The following ARHGAP8 variants were observed in gnomAD, a reference collection of about 807,000 sequenced individuals.
ARHGAP8 encodes Rho GTPase activating protein 8, also known as rho GTPase-activating protein 8.
A neutral mutation model predicts 46.1 loss-of-function variants in ARHGAP8; 62 were observed. The ratio of observed to expected loss-of-function variants is 1.34; its 90% CI spans 1.10 to 1.66. The LOEUF is 1.66. Ranked by LOEUF, ARHGAP8 falls within the 40% of genes most tolerant of loss-of-function variation. The pLI, the probability that ARHGAP8 is intolerant of heterozygous loss-of-function variation, is 0.00. For missense variants in ARHGAP8, 923 were observed against 568.4 expected, an observed-to-expected ratio of 1.62 and a Z score of -6.34; for synonymous variants, 375 against 243.1, an observed-to-expected ratio of 1.54 and a Z score of -5.05.
At chr22:44,836,624 G>A (rs1931306454) in intron 7 of ARHGAP8, among the ~76,000 whole-genome samples, 1 of 151,358 alleles carries the variant, frequency 6.6e-6, no homozygotes, top group Non-Finnish European at 1.5e-5. Flanking sequence ...ATTTCTCTGG[G>A]CATCCAGGAC....
At chr22:44,824,888 C>T (rs1020101702) in intron 6 of ARHGAP8, among the ~76,000 whole-genome samples, 13 of 152,074 alleles carry the variant, frequency 8.5e-5, no homozygotes, top group Admixed American at 2.6e-4. Flanking sequence ...CTGCCTCGGC[C>T]TCCCAAAGTG....
intron 1 of ARHGAP8, among the ~76,000 whole-genome samples, chr22:44,772,198 T>C (rs1383087511): frequency 6.7e-6 from 1 of 150,320 alleles, no homozygotes; most frequent in Admixed American, 6.6e-5. Context: ...TATGTTTTTA[T>C]GTTTCTGTTT....
chr22:44,860,912 T>C (rs113622779), intron 11 of ARHGAP8, among the ~76,000 whole-genome samples: 122 of 152,324 alleles, frequency 8.0e-4, no homozygotes, highest in Non-Finnish European at 1.6e-3. Flanking sequence ...CCAGAGTCTG[T>C]TGGAGAATGT....
intron 7 of ARHGAP8, among the ~76,000 whole-genome samples, chr22:44,841,438 C>T (rs1931646502): frequency 6.6e-6 from 1 of 152,144 alleles, no homozygotes; most frequent in Non-Finnish European, 1.5e-5. Context: ...TCGAGTAGCT[C>T]TCACGCCTGC....
intron 2 of ARHGAP8, among the ~76,000 whole-genome samples, chr22:44,798,349 G>T (rs915795350): frequency 6.6e-6 from 1 of 152,044 alleles, no homozygotes. Flanking sequence ...GGGCTCAAGT[G>T]ATCCTCCCAT....
intron 1 of ARHGAP8, among the ~76,000 whole-genome samples, chr22:44,768,493 A>G (rs1478287549): frequency 1.4e-5 from 2 of 147,018 alleles, no homozygotes; most frequent in Non-Finnish European, 3.0e-5. Flanking sequence ...TCTTGTAGAG[A>G]CAGGGGTCTT....
At chr22:44,842,622 G>T (rs1027947558) in intron 7 of ARHGAP8, among the ~76,000 whole-genome samples, 2 of 152,178 alleles carry the variant, frequency 1.3e-5, no homozygotes, top group Non-Finnish European at 2.9e-5. Context: ...TCACTCACGT[G>T]CAATGTGCAA....
Position 44,862,540 on chromosome 22 carries a change from T to TCA in ARHGAP8, c.1249_1250dup (p.Lys418ProfsTer10). On this transcript the variant is annotated frameshift_variant, in exon 12 of 12. Transcript: ENST00000356099. LOFTEE classifies it low-confidence loss of function (END_TRUNC). ...GTGCCACGGACACAAGCCACGGGCC[T>TCA]CACCAAGCCTACCCTACCTCCGAGT... 3 of 1,606,594 alleles carry TCA rather than the reference T, an allele frequency of 1.9e-6. No homozygotes were observed. Among genetic ancestry groups the TCA allele is most frequent in the Non-Finnish European group, 2.6e-6 (3 of 1,174,128 alleles).
At chr22:44,759,849 C>G (rs1924990875) in intron 1 of ARHGAP8, among the ~76,000 whole-genome samples, 1 of 152,220 alleles carries the variant, frequency 6.6e-6, no homozygotes, top group South Asian at 2.1e-4. Context: ...GACAGCCTCA[C>G]CTCTTGCAGC....
intron 3 of ARHGAP8, among the ~76,000 whole-genome samples, chr22:44,802,764 C>G (rs996808743): frequency 6.6e-6 from 1 of 152,168 alleles, no homozygotes; most frequent in Non-Finnish European, 1.5e-5. Flanking sequence ...TTGTGGCCAC[C>G]TCATTCCTAT....
At chr22:44,803,044 G>A (rs16992877) in intron 3 of ARHGAP8, among the ~76,000 whole-genome samples, 14,569 of 152,114 alleles carry the variant, frequency 0.096, 903 homozygotes, top group African/African-American at 0.16. Flanking sequence ...TCTATTGAGC[G>A]CCTACTGTAT....
chr22:44,825,651 C>A (rs949822935), intron 7 of ARHGAP8, 58 bp downstream of exon 7: 4 of 1,541,128 alleles, frequency 2.6e-6, no homozygotes, highest in African/African-American at 1.4e-5. Flanking sequence ...AGCTGTGGGG[C>A]GCTTCTGGGT....
chr22:44,776,431 A>G (rs1343111573), intron 1 of ARHGAP8, among the ~76,000 whole-genome samples: 1 of 148,598 alleles, frequency 6.7e-6, no homozygotes, highest in Admixed American at 6.9e-5. Context: ...CAGCCTGGAC[A>G]ATAAGAGTGA....
intron 5 of ARHGAP8, among the ~76,000 whole-genome samples, chr22:44,818,942 T>G (rs1258525788): frequency 6.6e-6 from 1 of 152,154 alleles, no homozygotes; most frequent in Non-Finnish European, 1.5e-5. Context: ...CAAGTGATCC[T>G]CCTTTCTCAG....
intron 10 of ARHGAP8, among the ~76,000 whole-genome samples, chr22:44,852,452 T>G (rs2070121106): frequency 6.6e-6 from 1 of 152,124 alleles, no homozygotes; most frequent in Non-Finnish European, 1.5e-5. Flanking sequence ...CACCTGCCTT[T>G]CTTAGATTCC....
intron 1 of ARHGAP8, chr22:44,786,112 CAGTGGGTGCATGGCTGAGGTAGGTCGCAT>C (rs986764992): frequency 1.6e-4 from 66 of 405,588 alleles, no homozygotes; most frequent in Admixed American, 2.5e-4. Flanking sequence ...GTAGAGTACA[CAGTGGGTGCATGGCTGAGGTAGGTCGCAT>C]AGTGGGTGCT....
intron 11 of ARHGAP8, among the ~76,000 whole-genome samples, chr22:44,861,669 C>G (rs921781810): frequency 6.6e-6 from 1 of 152,192 alleles, no homozygotes; most frequent in Non-Finnish European, 1.5e-5. Context: ...CCTGCCCTCA[C>G]GTTGGTCCAC....
chr22:44,859,163 G>A (rs11704593), intron 10 of ARHGAP8, among the ~76,000 whole-genome samples: 33,236 of 152,116 alleles, frequency 0.22, 4,378 homozygotes, highest in Admixed American at 0.26. Context: ...GCAGAGGGAT[G>A]GAGCTTGTAG....
chr22:44,832,730 C>A (rs1244132472), intron 7 of ARHGAP8, among the ~76,000 whole-genome samples: 2 of 152,072 alleles, frequency 1.3e-5, no homozygotes, highest in African/African-American at 4.8e-5. Flanking sequence ...TCCTTTTCAA[C>A]CTATTGCCTT....
Sources: gnomAD v4.1 joint callset for allele counts (sites outside exome capture counted in the v4.1 genomes callset) on GRCh38, gnomAD v4.1.1 for gene constraint, MANE v1.5 for transcripts, NCBI Gene and HGNC (gene_info 2026-07-23, HGNC 2026-07-21) for gene names.